The following PCDHGB1 variants were observed in gnomAD, a reference collection of about 807,000 sequenced individuals.
PCDHGB1 encodes protocadherin gamma-B1.
Under a neutral mutation model 56.6 loss-of-function variants are expected in PCDHGB1, and 34 were observed. The ratio of observed to expected loss-of-function variants is 0.60; its 90% CI spans 0.46 to 0.80. PCDHGB1 has a LOEUF of 0.80. PCDHGB1 is among the 30% of genes least tolerant of loss of function. The probability of loss-of-function intolerance (pLI) is 0.00; values close to 1 mark genes in which losing one functional copy is unlikely to be tolerated. For missense variants in PCDHGB1, 1,278 were observed against 1,204.6 expected (o/e 1.06, Z -0.90); for synonymous variants, 561 against 505.9 (o/e 1.11, Z -1.46).
chr5:141,387,422 TA>T (rs1406219674), intron 1 of PCDHGB1, among the ~76,000 whole-genome samples: 1 of 152,248 alleles, frequency 6.6e-6, no homozygotes, highest in Non-Finnish European at 1.5e-5. Context: ...CTTATGTCAA[TA>T]AATGTTTATG....
intron 1 of PCDHGB1, chr5:141,393,536 T>G: frequency 6.2e-7 from 1 of 1,613,934 alleles, no homozygotes; most frequent in South Asian, 1.1e-5. Flanking sequence ...ATGCCCCGGT[T>G]TTTCCTCACC....
chr5:141,400,051 G>T, intron 1 of PCDHGB1: 1 of 1,613,762 alleles, frequency 6.2e-7, no homozygotes. Context: ...GCTGGTTGCT[G>T]TGCGTGATGG....
intron 2 of PCDHGB1, 99 bp from the exon 3 acceptor site, chr5:141,505,294 G>T: frequency 6.4e-7 from 1 of 1,572,086 alleles, no homozygotes; most frequent in Non-Finnish European, 8.6e-7. Context: ...GCATGGGGTA[G>T]GGTTAGGGTA....
In PCDHGB1 at chr5:141,432,785, G is replaced by A. The variant is rs1356593437; in HGVS notation, c.2410-62022G>A. 2.5e-6 allele frequency: 4 copies of A among 1,613,992 alleles called. No individual in the cohort carries two copies. The African/African-American group carries it at 4.0e-5, about 16-fold the overall frequency. On this transcript the variant is annotated intron_variant, in intron 1 of 3. Transcript: ENST00000523390. The surrounding 1 kb of genome is among the most constrained non-coding windows in gnomAD (Gnocchi z 6.0). ...CATCCCCCAAGTCCTGGCGGACCTC[G>A]GCAGCCTCGAGTCTCCAGCTAACTC...
intron 1 of PCDHGB1, chr5:141,371,032 C>G (rs547337082): frequency 6.2e-7 from 1 of 1,614,002 alleles, no homozygotes; most frequent in South Asian, 1.1e-5. Context: ...CTGGTCCTCA[C>G]AGCTGTGGAT....
In PCDHGB1 at chr5:141,360,411, A is replaced by G. The variant is rs528127616; in HGVS notation, c.2409+7742A>G. The G allele has an allele frequency of 1.4e-4, 229 of 1,614,036 alleles. 5 individuals carry two copies. In the South Asian group the frequency reaches 2.4e-3, roughly 17 times the overall value. The stretch of plus-strand genomic sequence containing the variant: ...TACTTGTGAGTGACAGAATAGACCG[A>G]GAACAGATATGCGGGAAGCAGCCTC... On this transcript the variant is annotated intron_variant, in intron 1 of 3. Coordinates refer to ENST00000523390, the MANE Select transcript of PCDHGB1 (RefSeq NM_018922.3).
In PCDHGB1 at chr5:141,357,512, C is replaced by T. The variant is rs1211736119; in HGVS notation, c.2409+4843C>T. 1.9e-6 allele frequency: 3 copies of T among 1,614,258 alleles called. No individual in the cohort carries two copies. Among genetic ancestry groups the T allele is most frequent in the Non-Finnish European group, 2.5e-6 (3 of 1,180,052 alleles). ...TCGCGGAAGAGTCACCTGATCTTCTCCCAACCCAGCTATGCAGACACGCTC... is the reference window on the plus strand; with the variant it reads ...TCGCGGAAGAGTCACCTGATCTTCTTCCAACCCAGCTATGCAGACACGCTC... On this transcript the variant is annotated intron_variant, in intron 1 of 3. Transcript: ENST00000523390.
intron 1 of PCDHGB1, chr5:141,360,898 G>T: frequency 6.2e-7 from 1 of 1,614,040 alleles, no homozygotes; most frequent in South Asian, 1.1e-5. Context: ...GAGGGAGGAC[G>T]TGCCGCCGGG....
intron 1 of PCDHGB1, chr5:141,370,593 C>A (rs373364003): frequency 6.2e-6 from 10 of 1,613,710 alleles, no homozygotes; most frequent in South Asian, 2.2e-5. Flanking sequence ...TAGGAACCTG[C>A]GGGTTATTGC....
chr5:141,361,093 G>A (rs1160500738), intron 1 of PCDHGB1: 2 of 1,613,846 alleles, frequency 1.2e-6, no homozygotes, highest in East Asian at 2.2e-5. Context: ...TCTGAGTATC[G>A]AAGCAAAAGA....
chr5:141,372,461 GTTTCACC>G, intron 1 of PCDHGB1: 1 of 1,614,040 alleles, frequency 6.2e-7, no homozygotes, highest in South Asian at 1.1e-5. Context: ...CGGAGCTACA[GTTTCACC>G]TAGTAGTGGC....
At chr5:141,374,919 A>G in intron 1 of PCDHGB1, 2 of 1,613,932 alleles carry the variant, frequency 1.2e-6, no homozygotes, top group Non-Finnish European at 1.7e-6. Flanking sequence ...GAAGTAACTT[A>G]TTCCTTTGTG....
In PCDHGB1 at chr5:141,485,216, G is replaced by C. The variant is rs757059807; in HGVS notation, c.2410-9591G>C. On this transcript the variant is annotated intron_variant, in intron 1 of 3. Transcript: ENST00000523390. The surrounding 1 kb of genome is among the most constrained non-coding windows in gnomAD (Gnocchi z 5.7). ...AAGCTGGACAGAAATCTGGCGGTGG[G>C]CTACCCTTTTGTTCCTCTTTTACCA... 2.5e-6 allele frequency: 4 copies of C among 1,614,144 alleles called. No homozygotes were observed. In the South Asian group the frequency reaches 4.4e-5, roughly 18 times the overall value.
intron 1 of PCDHGB1, chr5:141,422,319 TAC>T: frequency 6.5e-7 from 1 of 1,548,220 alleles, no homozygotes; most frequent in Admixed American, 2.1e-5. Flanking sequence ...CTCCTCCAGG[TAC>T]AGTGATTGCT....
At chr5:141,450,549 C>T (rs1414500813) in intron 1 of PCDHGB1, among the ~76,000 whole-genome samples, 2 of 151,756 alleles carry the variant, frequency 1.3e-5, no homozygotes, top group Non-Finnish European at 2.9e-5. Context: ...TGCAGTGGCG[C>T]AGTCTCGGCT....
At chr5:141,423,501 C>T (rs2096747990) in intron 1 of PCDHGB1, 1 of 1,613,990 alleles carries the variant, frequency 6.2e-7, no homozygotes, top group Non-Finnish European at 8.5e-7. Context: ...CCCACGAGGT[C>T]TCTCTCATTG....
At chr5:141,401,861 G>T (rs934405271) in intron 1 of PCDHGB1, among the ~76,000 whole-genome samples, 1 of 152,122 alleles carries the variant, frequency 6.6e-6, no homozygotes, top group African/African-American at 2.4e-5. Flanking sequence ...TAACCTTTCA[G>T]TAGTTTTCTT....
intron 1 of PCDHGB1, chr5:141,371,262 C>A (rs368232567): frequency 1.9e-6 from 3 of 1,614,000 alleles, no homozygotes; most frequent in South Asian, 1.1e-5. Context: ...GGAAGTGAGA[C>A]AACTGTTCAA....
At position 141,358,718 on chromosome 5, in the gene PCDHGB1, G is replaced by A. The variant is rs546163361; in HGVS notation, c.2409+6049G>A. Among the ~76,000 whole-genome samples, 15 of 152,266 alleles carry A rather than the reference G, an allele frequency of 9.9e-5. No individual in the cohort carries two copies. In the South Asian group the frequency reaches 3.1e-3, roughly 32 times the overall value. On this transcript the variant is annotated intron_variant, in intron 1 of 3. Transcript: ENST00000523390. ...CTATTGAGACTTTCTTGATTTCCAA[G>A]GAAAATATAAGTTTTTGGAGTCTTT...
Sources: gnomAD v4.1 joint callset for allele counts (sites outside exome capture counted in the v4.1 genomes callset) on GRCh38, gnomAD v4.1.1 for gene constraint, Gnocchi (gnomAD v3.1) non-coding constraint, MANE v1.5 for transcripts, NCBI Gene and HGNC (gene_info 2026-07-23, HGNC 2026-07-21) for gene names.